SRCIN1: variants seen among roughly 807,000 people sequenced by gnomAD.
SRCIN1 encodes the protein P130Cas-associated protein.
In SRCIN1, 50 loss-of-function variants were observed where a neutral mutation model predicts 116.2. That is an observed-to-expected ratio of 0.43 (90% CI 0.34 to 0.54). The LOEUF is 0.54. Ranked by LOEUF, SRCIN1 falls within the 20% of genes least tolerant of loss-of-function variation. The pLI is 0.02. For synonymous variants in SRCIN1, 736 were observed against 750.0 expected, an observed-to-expected ratio of 0.98 and a Z score of 0.30; for missense variants, 1,446 against 1,672.0, an observed-to-expected ratio of 0.86 and a Z score of 2.36.
intron 1 of SRCIN1, among the ~76,000 whole-genome samples, chr17:38,581,037 G>C (rs986261862): frequency 3.3e-5 from 5 of 152,072 alleles, no homozygotes; most frequent in African/African-American, 1.2e-4. Context: ...GTCTTGCTAT[G>C]TTGCCCAGGC....
intron 1 of SRCIN1, among the ~76,000 whole-genome samples, chr17:38,587,101 G>A (rs531120017): frequency 6.6e-6 from 1 of 152,256 alleles, no homozygotes; most frequent in Admixed American, 6.5e-5. Flanking sequence ...GGCACTCCCA[G>A]GGCAGGACCC....
chr17:38,533,694 A>C (rs1028396966), intron 18 of SRCIN1, among the ~76,000 whole-genome samples: 1 of 139,474 alleles, frequency 7.2e-6, no homozygotes, highest in Non-Finnish European at 1.6e-5. Flanking sequence ...GAGCAGAGAG[A>C]GAAGCAGAGC....
rs1410096282 is a variant in SRCIN1 at position 38,552,117 on chromosome 17, A to G, written c.2496T>C (p.Gly832=). The G allele has an allele frequency of 6.2e-7, 1 of 1,610,108 alleles. No homozygotes were observed. The highest frequency in any genetic ancestry group is 1.3e-5 in the African/African-American group (1 of 74,658). ...LAQIRRQVDE[G]VWPPPNNLLS... is the part of the protein sequence containing the mutation. Reference sequence around the variant, plus strand: ...GGAGATTGTTGGGGGGTGGCCACACACCCTCATCCACTTGCCTGGGGTTGG... The same window carrying G: ...GGAGATTGTTGGGGGGTGGCCACACGCCCTCATCCACTTGCCTGGGGTTGG... The change falls in exon 14 of 19, where the codon GGT becomes GGC. Residue 832 remains glycine (G), a synonymous_variant. Coordinates refer to ENST00000617146, the MANE Select transcript of SRCIN1 (RefSeq NM_025248.3). The surrounding 1 kb of genome is among the most constrained non-coding windows in gnomAD (Gnocchi z 5.3).
intron 18 of SRCIN1, among the ~76,000 whole-genome samples, chr17:38,533,924 G>A (rs1440055746): frequency 6.6e-6 from 1 of 152,066 alleles, no homozygotes; most frequent in African/African-American, 2.4e-5. Flanking sequence ...AACAGAGGAG[G>A]GGGCTTATCC....
chr17:38,597,339 C>T (rs968576590), intron 1 of SRCIN1, among the ~76,000 whole-genome samples: 1 of 152,236 alleles, frequency 6.6e-6, no homozygotes, highest in Non-Finnish European at 1.5e-5. Flanking sequence ...CAGCCCCAGA[C>T]AGGCTGAGGT....
chr17:38,538,278 G>A (rs1311497165), intron 18 of SRCIN1, among the ~76,000 whole-genome samples: 10 of 150,310 alleles, frequency 6.7e-5, no homozygotes, highest in Non-Finnish European at 1.2e-4. Flanking sequence ...TTAGCCAGGC[G>A]TGGTTGTGGG....
chr17:38,548,926 G>T (rs981684808), intron 16 of SRCIN1, 130 bp downstream of exon 16: 1 of 1,271,994 alleles, frequency 7.9e-7, no homozygotes, highest in Admixed American at 2.8e-5. Flanking sequence ...GTCGCCACCG[G>T]CCACTCCCTC....
At chr17:38,537,705 G>A (rs914405643) in intron 18 of SRCIN1, among the ~76,000 whole-genome samples, 7 of 150,686 alleles carry the variant, frequency 4.6e-5, no homozygotes, top group African/African-American at 1.7e-4. Flanking sequence ...GCAGGAGAAT[G>A]GCGTGAACCC....
intron 1 of SRCIN1, among the ~76,000 whole-genome samples, chr17:38,588,107 C>T (rs1419270421): frequency 6.6e-6 from 1 of 151,708 alleles, no homozygotes; most frequent in Non-Finnish European, 1.5e-5. Flanking sequence ...TAATAACAGG[C>T]AACAGGCAAC....
rs748986360 is a variant in SRCIN1 at position 38,562,004 on chromosome 17, T to G, written c.1159A>C (p.Met387Leu). 1.2e-5 allele frequency: 18 copies of G among 1,494,188 alleles called. 1 individual carries two copies. The South Asian group carries it at 2.3e-4, about 19-fold the overall frequency. 92.6% of individuals were successfully genotyped at this position (1,494,188 alleles called of 1,614,324 possible). The change falls in exon 7 of 19, where the codon ATG becomes CTG. Residue 387 changes from methionine to leucine, a missense_variant. Transcript: ENST00000617146. This position sits in a 1 kb window ranked among gnomAD's most constrained non-coding sequence, Gnocchi z 4.2. ...AGGCCCTCGCCTTTCACCAGCACCA[T>G]GCCGCCCGCCTTGCTCGCCAGGTCC... ...DEDLASKAGG[M>L]VLVKGEGLYA...
In SRCIN1 at chr17:38,560,327, C is replaced by A; in HGVS notation, c.1793+6G>T. On this transcript the variant is annotated splice_donor_region_variant and intron_variant, in intron 8 of 18. Transcript: ENST00000617146. ...CCTGGCAGTGGTGTTGGGAGAGGGGCCTCACCTGGGGGTCTCAGGCTCAGA... is the reference window on the plus strand; with the variant it reads ...CCTGGCAGTGGTGTTGGGAGAGGGGACTCACCTGGGGGTCTCAGGCTCAGA... 3 of 1,604,710 alleles carry A rather than the reference C, an allele frequency of 1.9e-6. No individual in the cohort carries two copies. The South Asian group carries it at 3.4e-5, about 18-fold the overall frequency.
At position 38,552,804 on chromosome 17, in the gene SRCIN1, G is replaced by A. The variant is rs1165974675; in HGVS notation, c.2253C>T (p.His751=). ...EKIQRDVSHN[H]RLVPGPELEE... The stretch of plus-strand genomic sequence containing the variant: ...CCAGCTCAGGGCCGGGCACCAGCCG[G>A]TGGTTGTGGGACACGTCTCTCTGGA... Residue 751 remains histidine, a synonymous_variant, in exon 12 of 19, where the codon CAC becomes CAT. Transcript: ENST00000617146. The surrounding 1 kb of genome is among the most constrained non-coding windows in gnomAD (Gnocchi z 5.3). 1.2e-6 allele frequency: 2 copies of A among 1,614,020 alleles called. No homozygotes were observed. The highest frequency in any genetic ancestry group is 1.1e-5 in the South Asian group (1 of 91,084).
Position 38,577,433 on chromosome 17 carries a change from G to A in SRCIN1, c.324+1057C>T, listed in dbSNP as rs570080020. On this transcript the variant is annotated intron_variant, in intron 2 of 18. Transcript: ENST00000617146. ...GAACTGGAGGTGGCACTAGAGGGCA[G>A]ATAAGGTAGCAGAAATGTGCCAATG... 5.3e-5 allele frequency among the ~76,000 whole-genome samples: 8 copies of A among 152,366 alleles called. No homozygotes were observed. The South Asian group carries it at 1.7e-3, about 32-fold the overall frequency.
chr17:38,553,529 T>C (rs1291627604), intron 11 of SRCIN1, among the ~76,000 whole-genome samples: 2 of 152,044 alleles, frequency 1.3e-5, no homozygotes, highest in African/African-American at 2.4e-5. Flanking sequence ...GGGAGGTCTC[T>C]TGTCTCGGGG....
Position 38,552,900 on chromosome 17 carries a change from C to A in SRCIN1, c.2202-45G>T, listed in dbSNP as rs1404385654. 6.4e-7 allele frequency: 1 copy of A among 1,566,832 alleles called. No individual in the cohort carries two copies. Among genetic ancestry groups the A allele is most frequent in the East Asian group, 2.3e-5 (1 of 44,268 alleles). ...CTTTCAGCCCTTTTGGCCTGAGATG[C>A]CAGCCCAGCCCCCTGAAATTGGGCA... On this transcript the variant is annotated intron_variant, in intron 11 of 18. Transcript: ENST00000617146. The surrounding 1 kb of genome is among the most constrained non-coding windows in gnomAD (Gnocchi z 5.3).
chr17:38,566,118 A>G (rs1288329287), intron 3 of SRCIN1, among the ~76,000 whole-genome samples: 1 of 152,168 alleles, frequency 6.6e-6, no homozygotes, highest in Non-Finnish European at 1.5e-5. Flanking sequence ...TTCAGGCAGC[A>G]CGAGGCAGCC....
chr17:38,595,567 T>C (rs781104303), intron 1 of SRCIN1, among the ~76,000 whole-genome samples: 9 of 152,142 alleles, frequency 5.9e-5, no homozygotes, highest in Non-Finnish European at 7.4e-5. Flanking sequence ...AAGCAAACAA[T>C]TGAATAAATG....
At position 38,559,750 on chromosome 17, in the gene SRCIN1, G is replaced by C. The variant is rs549781375; in HGVS notation, c.1860C>G (p.Ser620Arg). 3.3e-6 allele frequency: 5 copies of C among 1,526,620 alleles called. No homozygotes were observed. In the African/African-American group the frequency reaches 4.1e-5, roughly 13 times the overall value. The allele number at this position is 1,526,620 out of a possible 1,614,324, so 94.6% of individuals were successfully genotyped here. A position where few individuals can be genotyped will look rare whatever the true frequency, so the allele number is the denominator to read the frequency against. ...GGCCGGACACCGGGGTGGCCCCGCT[G>C]CTCCGGCCGCCTGACCCACAGGCTG... ...PSAPCGSGGR[S>R]SGATPVSGPP... Residue 620 changes from serine (S) to arginine (R), a missense_variant, in exon 10 of 19, where the codon AGC becomes AGG. By Grantham distance (110) the Ser-to-Arg change is moderately radical. Transcript: ENST00000617146.
chr17:38,578,213 G>A (rs967679146), intron 2 of SRCIN1, among the ~76,000 whole-genome samples: 1 of 152,202 alleles, frequency 6.6e-6, no homozygotes, highest in African/African-American at 2.4e-5. Context: ...TAAAGAGGCT[G>A]GGCTCTCTCT....
Sources: gnomAD v4.1 joint callset for allele counts (sites outside exome capture counted in the v4.1 genomes callset) on GRCh38, gnomAD v4.1.1 for gene constraint, Gnocchi (gnomAD v3.1) non-coding constraint, MANE v1.5 for transcripts, NCBI Gene and HGNC (gene_info 2026-07-23, HGNC 2026-07-21) for gene names.